RAF1: variants seen among roughly 807,000 people sequenced by gnomAD.
The protein encoded by RAF1 is RAF proto-oncogene serine/threonine-protein kinase.
In RAF1, 27 loss-of-function variants were observed where a neutral mutation model predicts 81.1. That is an observed-to-expected ratio of 0.33 (90% CI 0.25 to 0.46). The LOEUF (loss-of-function observed/expected upper bound fraction) is 0.46. Ranked by LOEUF, RAF1 falls within the 20% of genes least tolerant of loss-of-function variation. The probability of loss-of-function intolerance (pLI) is 1.00; values close to 1 mark genes in which losing one functional copy is unlikely to be tolerated. For missense variants in RAF1, 598 were observed against 826.0 expected (o/e 0.72, Z 3.38); for synonymous variants, 298 against 294.0 (o/e 1.01, Z -0.14).
intron 2 of RAF1, among the ~76,000 whole-genome samples, chr3:12,613,815 G>A (rs1395227193): frequency 1.3e-5 from 2 of 152,132 alleles, no homozygotes; most frequent in Non-Finnish European, 2.9e-5. Flanking sequence ...GACTGAAGGG[G>A]ACTTATCTGC....
intron 1 of RAF1, among the ~76,000 whole-genome samples, chr3:12,646,900 G>A (rs1341439601): frequency 6.6e-6 from 1 of 151,820 alleles, no homozygotes; most frequent in Non-Finnish European, 1.5e-5. Context: ...GGCCAGGCTG[G>A]TCTCAAACTC....
chr3:12,662,907 G>A (rs945411622), intron 1 of RAF1, among the ~76,000 whole-genome samples: 1 of 151,968 alleles, frequency 6.6e-6, no homozygotes, highest in African/African-American at 2.4e-5. Flanking sequence ...GCCCACAGAG[G>A]ACCAGGCAAG....
intron 2 of RAF1, among the ~76,000 whole-genome samples, chr3:12,614,445 T>C (rs9809947): frequency 0.23 from 34,746 of 151,868 alleles, 4,515 homozygotes; most frequent in African/African-American, 0.35. Context: ...CTATATTATA[T>C]ATACTGAGAC....
intron 11 of RAF1, among the ~76,000 whole-genome samples, chr3:12,594,444 C>T (rs1231242178): frequency 6.6e-6 from 1 of 152,130 alleles, no homozygotes. Flanking sequence ...TTTTGTAGTC[C>T]ATTCCCTTTC....
intron 5 of RAF1, 199 bp downstream of exon 5, chr3:12,608,567 A>T: frequency 1.6e-6 from 1 of 627,838 alleles, no homozygotes. Context: ...TCCTACTCCT[A>T]CCTGCTCATT....
intron 1 of RAF1, among the ~76,000 whole-genome samples, chr3:12,629,405 C>CA (rs1203878854): frequency 7.2e-5 from 11 of 152,084 alleles, no homozygotes; most frequent in African/African-American, 2.7e-4. Context: ...AACTCTGTAC[C>CA]AACTAAGCAG....
chr3:12,589,331 A>G (rs2058429201), intron 13 of RAF1: 1 of 152,236 alleles, frequency 6.6e-6, no homozygotes, highest in Non-Finnish European at 1.5e-5. Context: ...TATGAATTAT[A>G]TCTCAATTTT....
intron 2 of RAF1, among the ~76,000 whole-genome samples, chr3:12,615,828 G>C (rs958751548): frequency 6.6e-6 from 1 of 152,152 alleles, no homozygotes; most frequent in Non-Finnish European, 1.5e-5. Context: ...GAGGCAGGCG[G>C]ATCAGAAGGT....
intron 3 of RAF1, among the ~76,000 whole-genome samples, chr3:12,611,331 C>T (rs545438085): frequency 5.9e-5 from 9 of 152,114 alleles, no homozygotes; most frequent in Admixed American, 5.2e-4. Flanking sequence ...AATATTCTCA[C>T]GTCAGCCTTT....
At chr3:12,618,478 TA>T (rs773638397) in intron 2 of RAF1, 36 bp downstream of exon 2, 4 of 1,606,318 alleles carry the variant, frequency 2.5e-6, no homozygotes, top group Non-Finnish European at 3.4e-6. Flanking sequence ...CACAGGCAGA[TA>T]AATAGCTAAA....
intron 1 of RAF1, among the ~76,000 whole-genome samples, chr3:12,634,622 T>C (rs2125508899): frequency 6.6e-6 from 1 of 152,280 alleles, no homozygotes; most frequent in East Asian, 1.9e-4. Flanking sequence ...CACAATTATG[T>C]GACCCCTTCT....
chr3:12,584,443 A>C lies in RAF1; in HGVS notation c.*71T>G. ...AAACATGTGTTCTGCCTCTGGAGAA[A>C]GGGAGCAGAAAAGTGGTGCCTGCTG... is the stretch of plus-strand genomic sequence containing the variant. On this transcript the variant is annotated 3_prime_UTR_variant, in exon 18 of 18. Transcript: ENST00000442415. 1 of 1,586,090 alleles carries C rather than the reference A, an allele frequency of 6.3e-7. No homozygotes were observed. Among genetic ancestry groups the C allele is most frequent in the Admixed American group, 1.7e-5 (1 of 59,942 alleles).
intron 1 of RAF1, among the ~76,000 whole-genome samples, chr3:12,652,827 G>C (rs1012002896): frequency 6.6e-6 from 1 of 151,782 alleles, no homozygotes; most frequent in African/African-American, 2.4e-5. Context: ...AGCTACTCAG[G>C]AGACTGAGGC....
Position 12,656,611 on chromosome 3 carries a change from T to C in RAF1, c.-27+7202A>G, listed in dbSNP as rs77974666. Among the ~76,000 whole-genome samples, 26 of 152,284 alleles carry C rather than the reference T, an allele frequency of 1.7e-4. No homozygotes were observed. In the East Asian group the frequency reaches 4.6e-3, roughly 27 times the overall value. On this transcript the variant is annotated intron_variant, in intron 1 of 17. Coordinates refer to ENST00000442415, the MANE Select transcript of RAF1 (RefSeq NM_001354689.3). ...GACAAGGTTTTGAGAACTGGAGATA[T>C]ATAAAAAAGGATAAGACATGCCCCA...
intron 1 of RAF1, among the ~76,000 whole-genome samples, chr3:12,644,706 A>G (rs569164226): frequency 1.8e-4 from 28 of 152,196 alleles, no homozygotes; most frequent in Non-Finnish European, 2.2e-4. Context: ...GGACATTTTT[A>G]AGTTTTCTTC....
At chr3:12,657,852 C>CG (rs1239260920) in intron 1 of RAF1, among the ~76,000 whole-genome samples, 4 of 148,186 alleles carry the variant, frequency 2.7e-5, no homozygotes, top group African/African-American at 1.0e-4. Flanking sequence ...ACACTTTTAT[C>CG]ACCCAAAAAA....
rs184022679 is a variant in RAF1 at position 12,612,058 on chromosome 3, T to A, written c.212A>T (p.Asn71Ile). ...ATGCAAGCTCATTCCATTTCGCACA[T>A]TGACCTACAAACAAAGGACCACCTT... Residue 71 changes from asparagine to isoleucine, a missense_variant, in exon 3 of 18, where the codon AAT (asparagine) becomes ATT (isoleucine). Asn to Ile is a moderately radical substitution (Grantham distance 149). This residue lies in a region of RAF1 where 89 missense variants were observed against 169.2 expected (regional missense o/e 0.53). Coordinates refer to ENST00000442415, the MANE Select transcript of RAF1 (RefSeq NM_001354689.3). 1.2e-6 allele frequency: 2 copies of A among 1,613,814 alleles called. No individual in the cohort carries two copies. Among genetic ancestry groups the A allele is most frequent in the Non-Finnish European group, 1.7e-6 (2 of 1,179,866 alleles).
At position 12,655,011 on chromosome 3, in the gene RAF1, G is replaced by A. The variant is rs866301216; in HGVS notation, c.-27+8802C>T. 1.2e-3 allele frequency among the ~76,000 whole-genome samples: 107 copies of A among 85,650 alleles called. No individual in the cohort carries two copies. The South Asian group carries it at 0.016, about 12-fold the overall frequency. The allele number at this position is 85,650 out of a possible 152,430, so 56.2% of individuals were successfully genotyped here. A position where few individuals can be genotyped will look rare whatever the true frequency, so the allele number is the denominator to read the frequency against. ...GTAAACATAGTGAGACCCCCCCCCC[G>A]CCATCTCTAAAATAGTAAAAATAAT... On this transcript the variant is annotated intron_variant, in intron 1 of 17. Coordinates refer to ENST00000442415, the MANE Select transcript of RAF1 (RefSeq NM_001354689.3).
chr3:12,628,690 T>C (rs1273619110), intron 1 of RAF1, among the ~76,000 whole-genome samples: 7 of 144,684 alleles, frequency 4.8e-5, no homozygotes, highest in African/African-American at 1.5e-4. Flanking sequence ...AGAAGATACT[T>C]TAATGGATAC....
Sources: allele counts gnomAD v4.1 joint callset (sites outside exome capture counted in the v4.1 genomes callset), GRCh38; gene constraint gnomAD v4.1.1; regional missense constraint gnomAD v4.1.1; transcripts MANE v1.5; gene names NCBI Gene and HGNC (gene_info 2026-07-23, HGNC 2026-07-21).